The following FAM171A1 variants were observed in gnomAD, a reference collection of about 807,000 sequenced individuals.
FAM171A1 encodes the protein protein FAM171A1.
A neutral mutation model predicts 74.9 loss-of-function variants in FAM171A1; 23 were observed. The ratio of observed to expected loss-of-function variants is 0.31; its 90% CI spans 0.22 to 0.44. The LOEUF (loss-of-function observed/expected upper bound fraction) is 0.44, where lower values mean the gene tolerates loss of function less well. Ranked by LOEUF, FAM171A1 falls within the 20% of genes least tolerant of loss-of-function variation. FAM171A1 has a pLI of 1.00. For synonymous variants in FAM171A1, 527 were observed against 505.7 expected, an observed-to-expected ratio of 1.04 and a Z score of -0.57; for missense variants, 1,162 against 1,159.2, an observed-to-expected ratio of 1.00 and a Z score of -0.03.
At position 15,219,435 on chromosome 10, in the gene FAM171A1, A is replaced by G. The variant is rs1003443141; in HGVS notation, c.871+1509T>C. On this transcript the variant is annotated intron_variant, in intron 6 of 7. Transcript: ENST00000378116. ...TTAATGCGTGGGCTTTATGGCATTT[A>G]TTTTAGTGCTTAAGACAATTCTTTT... 6.6e-5 allele frequency among the ~76,000 whole-genome samples: 10 copies of G among 152,324 alleles called. No individual in the cohort carries two copies. In the East Asian group the frequency reaches 1.9e-3, roughly 29 times the overall value.
intron 1 of FAM171A1, among the ~76,000 whole-genome samples, chr10:15,304,768 G>A (rs529540150): frequency 1.3e-5 from 2 of 151,886 alleles, no homozygotes; most frequent in East Asian, 1.9e-4. Flanking sequence ...TCAGAGTCTC[G>A]CTCTGTTGCC....
At chr10:15,259,771 C>T (rs1275751873) in intron 3 of FAM171A1, among the ~76,000 whole-genome samples, 3 of 151,754 alleles carry the variant, frequency 2.0e-5, no homozygotes, top group Non-Finnish European at 4.4e-5. Flanking sequence ...GACTGCCAAC[C>T]AGTTCTCATC....
chr10:15,220,448 G>A (rs1032826553), intron 6 of FAM171A1, among the ~76,000 whole-genome samples: 2 of 152,186 alleles, frequency 1.3e-5, no homozygotes, highest in South Asian at 2.1e-4. Context: ...TGAAAGATAT[G>A]CATTAATGCA....
intron 6 of FAM171A1, among the ~76,000 whole-genome samples, chr10:15,219,429 G>A (rs1834008204): frequency 6.6e-6 from 1 of 152,116 alleles, no homozygotes; most frequent in Non-Finnish European, 1.5e-5. Context: ...GGGCTTTATG[G>A]CATTTATTTT....
At chr10:15,223,896 C>A (rs1834071362) in intron 5 of FAM171A1, among the ~76,000 whole-genome samples, 1 of 152,108 alleles carries the variant, frequency 6.6e-6, no homozygotes, top group Non-Finnish European at 1.5e-5. Context: ...AAGATTCTAT[C>A]TCAATTAAAA....
At chr10:15,367,430 C>T (rs1415601790) in intron 1 of FAM171A1, among the ~76,000 whole-genome samples, 1 of 152,198 alleles carries the variant, frequency 6.6e-6, no homozygotes, top group African/African-American at 2.4e-5. Context: ...ACTGTTGCTC[C>T]TGCATAAAGC....
At chr10:15,247,717 C>T (rs1834453212) in intron 5 of FAM171A1, among the ~76,000 whole-genome samples, 1 of 152,164 alleles carries the variant, frequency 6.6e-6, no homozygotes, top group Admixed American at 6.5e-5. Context: ...AAGTGAACCA[C>T]CCGCCTCAGC....
Position 15,371,170 on chromosome 10 carries a change from G to A in FAM171A1, c.-118C>T. On this transcript the variant is annotated 5_prime_UTR_variant, in exon 1 of 8. Transcript: ENST00000378116. ...GTCGCTGGCTCCGCGCGCCGGGCCC[G>A]CCGCCCGATTGGCCCGGCCCCGCCG... 1 of 235,968 alleles carries A rather than the reference G, an allele frequency of 4.2e-6. No individual in the cohort carries two copies. The highest frequency in any genetic ancestry group is 6.7e-6 in the Non-Finnish European group (1 of 148,936). 14.6% of individuals were successfully genotyped at this position (235,968 alleles called of 1,614,324 possible). A position where few individuals can be genotyped will look rare whatever the true frequency, so the allele number is the denominator to read the frequency against.
rs542813910 is a variant in FAM171A1, at chr10:15,351,357, G to A, written c.97+19599C>T. On this transcript the variant is annotated intron_variant, in intron 1 of 7. Transcript: ENST00000378116. ...CTGAGAGGAGAGAGGAAGAGGTCGC[G>A]TGTGGGATGAACACCTCCACGCTGC... is the stretch of plus-strand genomic sequence containing the variant. 2.6e-5 allele frequency among the ~76,000 whole-genome samples: 4 copies of A among 152,258 alleles called. No individual in the cohort carries two copies. In the East Asian group the frequency reaches 7.7e-4, roughly 29 times the overall value.
At chr10:15,336,903 T>TC (rs1835707295) in intron 1 of FAM171A1, among the ~76,000 whole-genome samples, 1 of 133,718 alleles carries the variant, frequency 7.5e-6, no homozygotes, top group South Asian at 2.3e-4. Flanking sequence ...TTTCTTTCTT[T>TC]CTTTTTTTTT....
Position 15,352,059 on chromosome 10 carries a change from AT to A in FAM171A1, c.97+18896del, listed in dbSNP as rs927587422. ...AAATACAAAATACAAAAAAAATACA[AT>A]TTTTTTTTGTAAAAATACAAAAAAA... On this transcript the variant is annotated intron_variant, in intron 1 of 7. Coordinates refer to ENST00000378116, the MANE Select transcript of FAM171A1 (RefSeq NM_001010924.2). 2.6e-4 allele frequency among the ~76,000 whole-genome samples: 12 copies of A among 46,248 alleles called. 1 individual carries two copies. In the East Asian group the frequency reaches 4.6e-3, roughly 18 times the overall value. The allele number at this position is 46,248 out of a possible 152,430, so 30.3% of individuals were successfully genotyped here. A position where few individuals can be genotyped will look rare whatever the true frequency, so the allele number is the denominator to read the frequency against.
At chr10:15,346,589 A>G (rs1835819300) in intron 1 of FAM171A1, among the ~76,000 whole-genome samples, 1 of 152,238 alleles carries the variant, frequency 6.6e-6, no homozygotes, top group South Asian at 2.1e-4. Context: ...CCCGTAGCAG[A>G]AACAAGCCGA....
At chr10:15,342,940 C>T (rs1035449133) in intron 1 of FAM171A1, among the ~76,000 whole-genome samples, 2 of 152,200 alleles carry the variant, frequency 1.3e-5, no homozygotes, top group African/African-American at 4.8e-5. Context: ...CTGTGTTTAA[C>T]CCGTGAGCAA....
At chr10:15,340,876 A>G (rs1209421575) in intron 1 of FAM171A1, among the ~76,000 whole-genome samples, 4 of 152,168 alleles carry the variant, frequency 2.6e-5, no homozygotes, top group Non-Finnish European at 4.4e-5. Flanking sequence ...GAGTTTGACA[A>G]TTGAGATGAT....
At chr10:15,230,834 A>G (rs1834196118) in intron 5 of FAM171A1, among the ~76,000 whole-genome samples, 1 of 152,236 alleles carries the variant, frequency 6.6e-6, no homozygotes, top group African/African-American at 2.4e-5. Flanking sequence ...TGAATTTACA[A>G]TAGATATATA....
At chr10:15,221,494 G>A (rs1376037554) in intron 5 of FAM171A1, among the ~76,000 whole-genome samples, 1 of 152,154 alleles carries the variant, frequency 6.6e-6, no homozygotes, top group Non-Finnish European at 1.5e-5. Context: ...GGCTATATCA[G>A]AATTACCTAG....
chr10:15,230,233 C>CT (rs1002130421), intron 5 of FAM171A1, among the ~76,000 whole-genome samples: 12 of 152,352 alleles, frequency 7.9e-5, no homozygotes, highest in Middle Eastern at 6.8e-3. Flanking sequence ...GGATAGTCCT[C>CT]TTTTTTTCCA....
At position 15,284,074 on chromosome 10, in the gene FAM171A1, G is replaced by A. The variant is rs756300414; in HGVS notation, c.129C>T (p.Ala43=). ...CATCTGCTACGGGCTGGTGGGTGCT[G>A]GCGTCGCTGATGTGCACCTTTAACG... The part of the protein sequence containing the change: ...EVTLKVHISD[A]STHQPVADAL... The change falls in exon 2 of 8, where the codon GCC becomes GCT. Residue 43 remains alanine, a synonymous_variant. Coordinates refer to ENST00000378116, the MANE Select transcript of FAM171A1 (RefSeq NM_001010924.2). 3 of 1,613,886 alleles carry A rather than the reference G, an allele frequency of 1.9e-6. No homozygotes were observed. The highest frequency in any genetic ancestry group is 2.2e-5 in the South Asian group (2 of 91,062).
intron 1 of FAM171A1, among the ~76,000 whole-genome samples, chr10:15,362,969 C>T (rs542976441): frequency 6.6e-6 from 1 of 152,188 alleles, no homozygotes; most frequent in Non-Finnish European, 1.5e-5. Flanking sequence ...TGCCCCTCCC[C>T]GACAGACCAC....
Sources: allele counts gnomAD v4.1 joint callset (sites outside exome capture counted in the v4.1 genomes callset), GRCh38; gene constraint gnomAD v4.1.1; transcripts MANE v1.5; gene names NCBI Gene and HGNC (gene_info 2026-07-23, HGNC 2026-07-21).